The following ELAVL2 variants were observed in gnomAD, a reference collection of about 807,000 sequenced individuals.
ELAVL2 encodes ELAV-like protein 2.
ELAVL2 carries 4 observed loss-of-function variants against 34.6 expected under a neutral mutation model. The observed-to-expected ratio is 0.12, with a 90% confidence interval of 0.06 to 0.26. ELAVL2 has a LOEUF of 0.26. Ranked by LOEUF, ELAVL2 falls within the 10% of genes least tolerant of loss-of-function variation. The pLI is 1.00. For synonymous variants in ELAVL2, 193 were observed against 154.8 expected (o/e 1.25, Z -1.83); for missense variants, 432 against 442.8 (o/e 0.98, Z 0.22).
intron 1 of ELAVL2, among the ~76,000 whole-genome samples, chr9:23,806,325 A>G (rs1313103324): frequency 2.0e-5 from 3 of 152,168 alleles, no homozygotes; most frequent in African/African-American, 7.2e-5. Flanking sequence ...TTAAAGACAT[A>G]GGACCTATTA....
chr9:23,737,290 G>C (rs1456100034), intron 2 of ELAVL2, among the ~76,000 whole-genome samples: 1 of 152,176 alleles, frequency 6.6e-6, no homozygotes, highest in East Asian at 1.9e-4. Context: ...TTATAAACAT[G>C]TTCCTCATGT....
At chr9:23,799,333 A>G (rs1042839749) in intron 1 of ELAVL2, among the ~76,000 whole-genome samples, 7 of 152,168 alleles carry the variant, frequency 4.6e-5, no homozygotes, top group African/African-American at 1.4e-4. Flanking sequence ...CCTATCTGTT[A>G]CCTTGTTTCC....
intron 2 of ELAVL2, among the ~76,000 whole-genome samples, chr9:23,731,823 A>G (rs1235361915): frequency 6.6e-6 from 1 of 152,066 alleles, no homozygotes; most frequent in Non-Finnish European, 1.5e-5. Flanking sequence ...AACAAAAATA[A>G]CAGGAGAAAA....
chr9:23,702,981 A>AAAAAAAAAAAAAT (rs2037974733), intron 4 of ELAVL2, among the ~76,000 whole-genome samples: 1 of 129,624 alleles, frequency 7.7e-6, no homozygotes, highest in Non-Finnish European at 1.6e-5. Context: ...AAAAAAAAAA[A>AAAAAAAAAAAAAT]CAGCCTCTAC....
chr9:23,773,966 C>A (rs2136415539), intron 1 of ELAVL2, among the ~76,000 whole-genome samples: 1 of 152,086 alleles, frequency 6.6e-6, no homozygotes, highest in Middle Eastern at 3.4e-3. Flanking sequence ...AATCCCTGCA[C>A]TTTGGGAGGC....
At chr9:23,757,142 T>C (rs902884876) in intron 2 of ELAVL2, among the ~76,000 whole-genome samples, 2 of 152,158 alleles carry the variant, frequency 1.3e-5, no homozygotes, top group African/African-American at 4.8e-5. Context: ...ATAATGTTTC[T>C]AGAGAAGCAC....
intron 1 of ELAVL2, among the ~76,000 whole-genome samples, chr9:23,769,920 A>C (rs1166596173): frequency 3.3e-5 from 5 of 152,180 alleles, no homozygotes; most frequent in Non-Finnish European, 7.3e-5. Flanking sequence ...GAGGTAAGAT[A>C]ATGAGTTTAG....
At chr9:23,713,059 G>A (rs746591590) in intron 3 of ELAVL2, among the ~76,000 whole-genome samples, 1 of 152,154 alleles carries the variant, frequency 6.6e-6, no homozygotes, top group Non-Finnish European at 1.5e-5. Flanking sequence ...TTGCATCCAT[G>A]TGTATCAAAG....
At chr9:23,729,625 G>C (rs2046070230) in intron 3 of ELAVL2, among the ~76,000 whole-genome samples, 1 of 151,916 alleles carries the variant, frequency 6.6e-6, no homozygotes, top group South Asian at 2.1e-4. Flanking sequence ...TTTTCTGATT[G>C]GTGAATCTTT....
At chr9:23,775,323 G>A (rs1399352093) in intron 1 of ELAVL2, among the ~76,000 whole-genome samples, 2 of 152,166 alleles carry the variant, frequency 1.3e-5, no homozygotes, top group Non-Finnish European at 2.9e-5. Flanking sequence ...GAAGGCTGGA[G>A]GACACCACTG....
chr9:23,772,557 AG>A (rs1168127286), intron 1 of ELAVL2, among the ~76,000 whole-genome samples: 1 of 149,264 alleles, frequency 6.7e-6, no homozygotes, highest in Non-Finnish European at 1.5e-5. Context: ...AAAAAAAAAA[AG>A]GCATCTAAAA....
intron 1 of ELAVL2, among the ~76,000 whole-genome samples, chr9:23,782,261 G>C (rs1347371474): frequency 1.3e-5 from 2 of 152,162 alleles, no homozygotes; most frequent in African/African-American, 4.8e-5. Context: ...CAAAATCAAA[G>C]TACATCGTAA....
intron 1 of ELAVL2, among the ~76,000 whole-genome samples, chr9:23,816,866 T>C (rs2063788157): frequency 6.6e-6 from 1 of 152,172 alleles, no homozygotes; most frequent in Non-Finnish European, 1.5e-5. Flanking sequence ...AGCTCTGATA[T>C]TCAGTAGGTT....
At chr9:23,842,265 CCT>C in the ELAVL2 span, among the ~76,000 whole-genome samples, 74 of 152,052 alleles carry the variant, frequency 4.9e-4, no homozygotes, top group Non-Finnish European at 8.8e-4. Flanking sequence ...TTTCTGTTCC[CCT>C]GAGTGAGAGT....
intron 3 of ELAVL2, among the ~76,000 whole-genome samples, chr9:23,720,915 G>T (rs1564073521): frequency 6.6e-6 from 1 of 152,102 alleles, no homozygotes; most frequent in African/African-American, 2.4e-5. Flanking sequence ...CCTGGTTGGG[G>T]TGTAGAAATC....
chr9:23,800,677 A>T (rs1443000122), intron 1 of ELAVL2, among the ~76,000 whole-genome samples: 1 of 152,242 alleles, frequency 6.6e-6, no homozygotes, highest in African/African-American at 2.4e-5. Flanking sequence ...CTTCTCAAGC[A>T]AATGAATCTA....
chr9:23,844,783 A>G, the ELAVL2 span, among the ~76,000 whole-genome samples: 2 of 152,012 alleles, frequency 1.3e-5, no homozygotes, highest in Non-Finnish European at 2.9e-5. Flanking sequence ...TATGTAGCTT[A>G]TATTACTCTG....
At chr9:23,742,964 C>T (rs926130129) in intron 2 of ELAVL2, among the ~76,000 whole-genome samples, 1 of 152,046 alleles carries the variant, frequency 6.6e-6, no homozygotes, top group Admixed American at 6.6e-5. Context: ...GGTATAAATG[C>T]TGAGTATAAA....
At chr9:23,843,048 T>C in the ELAVL2 span, among the ~76,000 whole-genome samples, 1 of 152,240 alleles carries the variant, frequency 6.6e-6, no homozygotes, top group Admixed American at 6.5e-5. Flanking sequence ...TCATCATCTG[T>C]TTGGCTTTTG....
Sources: gnomAD v4.1 joint callset for allele counts (sites outside exome capture counted in the v4.1 genomes callset) on GRCh38, gnomAD v4.1.1 for gene constraint, MANE v1.5 for transcripts, NCBI Gene and HGNC (gene_info 2026-07-23, HGNC 2026-07-21) for gene names.